Variants in KHDRBS2 observed in about 807,000 individuals in gnomAD.
The protein encoded by KHDRBS2 is KH domain-containing, RNA-binding, signal transduction-associated protein 2.
KHDRBS2 carries 26 observed loss-of-function variants against 44.3 expected under a neutral mutation model. The ratio of observed to expected loss-of-function variants is 0.59; its 90% CI spans 0.43 to 0.81. The LOEUF is 0.81. KHDRBS2 is among the 40% of genes least tolerant of loss of function. The pLI, the probability that KHDRBS2 is intolerant of heterozygous loss-of-function variation, is 0.00. For synonymous variants in KHDRBS2, 194 were observed against 151.1 expected (o/e 1.28, Z -2.08); for missense variants, 476 against 433.1 (o/e 1.10, Z -0.88).
the KHDRBS2 span, among the ~76,000 whole-genome samples, chr6:61,545,770 G>T: frequency 1.3e-5 from 2 of 151,960 alleles, no homozygotes; most frequent in Admixed American, 6.6e-5. Flanking sequence ...AGTAATTAAG[G>T]TTAAGTGAGA....
chr6:61,979,066 T>A (rs975788036), intron 3 of KHDRBS2, among the ~76,000 whole-genome samples: 5 of 152,120 alleles, frequency 3.3e-5, no homozygotes, highest in African/African-American at 1.2e-4. Context: ...CAAATCAATA[T>A]GTGATCCATA....
At chr6:61,645,868 G>A in the KHDRBS2 span, among the ~76,000 whole-genome samples, 3 of 152,136 alleles carry the variant, frequency 2.0e-5, no homozygotes, top group Non-Finnish European at 4.4e-5. Flanking sequence ...AACCACAACA[G>A]TTAGGCTGAT....
At chr6:62,058,780 C>T (rs774179040) in intron 2 of KHDRBS2, among the ~76,000 whole-genome samples, 2 of 151,546 alleles carry the variant, frequency 1.3e-5, no homozygotes, top group African/African-American at 2.4e-5. Context: ...CCAAAGAAAA[C>T]CAATCCCAGT....
intron 6 of KHDRBS2, among the ~76,000 whole-genome samples, chr6:61,734,629 G>A (rs535724045): frequency 1.3e-5 from 2 of 152,062 alleles, no homozygotes; most frequent in South Asian, 2.1e-4. Flanking sequence ...ATATTATTGA[G>A]TGAGAATACA....
At chr6:61,967,946 A>T (rs1313136479) in intron 4 of KHDRBS2, among the ~76,000 whole-genome samples, 2 of 69,012 alleles carry the variant, frequency 2.9e-5, no homozygotes, top group African/African-American at 1.6e-4. Flanking sequence ...ATATATATAT[A>T]TATATATATA....
At chr6:62,027,012 CTT>C (rs112885444) in intron 3 of KHDRBS2, among the ~76,000 whole-genome samples, 3 of 143,742 alleles carry the variant, frequency 2.1e-5, no homozygotes, top group African/African-American at 2.5e-5. Flanking sequence ...TTCTTATTTC[CTT>C]TTTTTTTTTC....
chr6:62,001,289 CAAAG>C (rs1026573942), intron 3 of KHDRBS2, among the ~76,000 whole-genome samples: 7 of 151,802 alleles, frequency 4.6e-5, no homozygotes, highest in Non-Finnish European at 1.0e-4. Context: ...TTTCATCAAA[CAAAG>C]AAGGTAACAC....
At chr6:61,666,411 C>A in the KHDRBS2 span, among the ~76,000 whole-genome samples, 2 of 151,318 alleles carry the variant, frequency 1.3e-5, no homozygotes, top group Non-Finnish European at 3.0e-5. Flanking sequence ...ACCCTTCCTT[C>A]TACGTTGCAG....
chr6:61,710,791 G>T, intron 7 of KHDRBS2, among the ~76,000 whole-genome samples: 1 of 121,828 alleles, frequency 8.2e-6, no homozygotes, highest in African/African-American at 3.1e-5. Context: ...CATTGTACCT[G>T]AGCTCTTTTT....
At chr6:61,796,255 T>C (rs1460267502) in intron 6 of KHDRBS2, among the ~76,000 whole-genome samples, 2 of 152,084 alleles carry the variant, frequency 1.3e-5, no homozygotes, top group African/African-American at 4.8e-5. Context: ...TATTTAACTC[T>C]TTTCTTTCAA....
chr6:61,694,096 G>A, intron 8 of KHDRBS2, among the ~76,000 whole-genome samples: 1 of 152,130 alleles, frequency 6.6e-6, no homozygotes, highest in East Asian at 1.9e-4. Context: ...TCAAATTGAT[G>A]TAGCAAGTGT....
chr6:62,130,466 C>T (rs990264308), intron 2 of KHDRBS2, among the ~76,000 whole-genome samples: 1 of 152,018 alleles, frequency 6.6e-6, no homozygotes, highest in African/African-American at 2.4e-5. Context: ...AAAAATACTA[C>T]GTTTTTCATT....
chr6:61,640,796 C>T, the KHDRBS2 span, among the ~76,000 whole-genome samples: 1 of 152,020 alleles, frequency 6.6e-6, no homozygotes, highest in African/African-American at 2.4e-5. Flanking sequence ...AATAGACATA[C>T]CAGAGATCAG....
intron 6 of KHDRBS2, among the ~76,000 whole-genome samples, chr6:61,877,731 T>C (rs1230536501): frequency 6.6e-6 from 1 of 151,992 alleles, no homozygotes; most frequent in East Asian, 1.9e-4. Context: ...TGATATTATA[T>C]TTAAAACATC....
At chr6:61,774,798 A>G (rs1472748469) in intron 6 of KHDRBS2, among the ~76,000 whole-genome samples, 1 of 152,174 alleles carries the variant, frequency 6.6e-6, no homozygotes, top group Non-Finnish European at 1.5e-5. Flanking sequence ...TTACGAAGCC[A>G]GCATCATCCT....
In KHDRBS2 at chr6:62,170,347, T is replaced by A. The variant is rs147061072; in HGVS notation, c.219+6838A>T. On this transcript the variant is annotated intron_variant, in intron 2 of 8. Transcript: ENST00000281156. Reference sequence around the variant, plus strand: ...ACTGCCGCTACCTGAGAAAGCCCCATGGACCAAAACATCCAGCAGAAGAAA... The same window carrying A: ...ACTGCCGCTACCTGAGAAAGCCCCAAGGACCAAAACATCCAGCAGAAGAAA... Among the ~76,000 whole-genome samples, 43 of 152,116 alleles carry A rather than the reference T, an allele frequency of 2.8e-4. No individual in the cohort carries two copies. The East Asian group carries it at 7.1e-3, about 25-fold the overall frequency.
chr6:61,780,866 G>T (rs1475216387), intron 6 of KHDRBS2, among the ~76,000 whole-genome samples: 1 of 152,076 alleles, frequency 6.6e-6, no homozygotes, highest in Non-Finnish European at 1.5e-5. Flanking sequence ...GTGTTTCTTG[G>T]GCAGGCCTAT....
intron 6 of KHDRBS2, chr6:61,814,071 C>G (rs1241667904): frequency 4.4e-6 from 2 of 455,652 alleles, no homozygotes; most frequent in Admixed American, 4.7e-5. Flanking sequence ...ATTTATGAAG[C>G]TGTGGCTGAA....
chr6:61,553,979 G>T, the KHDRBS2 span, among the ~76,000 whole-genome samples: 19 of 152,230 alleles, frequency 1.2e-4, no homozygotes, highest in African/African-American at 4.3e-4. Context: ...ATATTCTCTT[G>T]TCTGTGGGTG....
Sources: gnomAD v4.1 joint callset for allele counts (sites outside exome capture counted in the v4.1 genomes callset) on GRCh38, gnomAD v4.1.1 for gene constraint, MANE v1.5 for transcripts, NCBI Gene and HGNC (gene_info 2026-07-23, HGNC 2026-07-21) for gene names.